The following CDH4 variants were observed in gnomAD, a reference collection of about 807,000 sequenced individuals.
CDH4 encodes cadherin-4.
In CDH4, 33 loss-of-function variants were observed where a neutral mutation model predicts 86.0. That is an observed-to-expected ratio of 0.38 (90% CI 0.29 to 0.51). The LOEUF is 0.51. CDH4 is among the 20% of genes least tolerant of loss of function. The pLI is 0.86. For synonymous variants in CDH4, 555 were observed against 549.4 expected, an observed-to-expected ratio of 1.01 and a Z score of -0.14; for missense variants, 1,114 against 1,307.4, an observed-to-expected ratio of 0.85 and a Z score of 2.28.
chr20:61,895,023 C>G lies in CDH4; in HGVS notation c.1164C>G (p.Asn388Lys). The G allele has an allele frequency of 6.2e-7, 1 of 1,613,868 alleles. No homozygotes were observed. Among genetic ancestry groups the G allele is most frequent in the Non-Finnish European group, 8.5e-7 (1 of 1,180,008 alleles). Residue 388 changes from asparagine to lysine, a missense_variant, in exon 8 of 16, where the codon AAC becomes AAG. Physicochemically the swap from Asn to Lys is moderately conservative, Grantham distance 94. Transcript: ENST00000614565. ...TCACGGTGACAGATGTGAATGACAA[C>G]CCGCCAGAATTTACCGCCAGCACGG... ...AIITVTDVND[N>K]PPEFTASTFA...
chr20:61,656,393 CTG>C lies in CDH4; in HGVS notation c.170-87169_170-87168del, dbSNP rs577844088. Among the ~76,000 whole-genome samples the C allele has an allele frequency of 2.4e-4, 36 of 150,464 alleles. 1 individual carries two copies. The highest frequency in any genetic ancestry group is 8.8e-4 in the African/African-American group (36 of 40,868). On this transcript the variant is annotated intron_variant, in intron 2 of 15. Transcript: ENST00000614565. The stretch of plus-strand genomic sequence containing the variant: ...CGTGCTGGGGTGGGCAGGTGCCTGA[CTG>C]GAGTGAGCAGGTGTATGCTGAGGTG...
At position 61,291,400 on chromosome 20, in the gene CDH4, G is replaced by T. The variant is rs909366662; in HGVS notation, c.169+36463G>T. Among the ~76,000 whole-genome samples, 7 of 152,330 alleles carry T rather than the reference G, an allele frequency of 4.6e-5. No individual in the cohort carries two copies. The South Asian group carries it at 1.5e-3, about 32-fold the overall frequency. ...ACTCAAGACAGTACCGTGGTGTGTG[G>T]GCCCTGGGCCTGCTCTTGTGGCAGG... On this transcript the variant is annotated intron_variant, in intron 2 of 15. Transcript: ENST00000614565.
intron 2 of CDH4, among the ~76,000 whole-genome samples, chr20:61,388,554 G>C (rs920081318): frequency 6.6e-6 from 1 of 152,122 alleles, no homozygotes; most frequent in Non-Finnish European, 1.5e-5. Flanking sequence ...CCCCTCATAG[G>C]CTCCACTGGC....
chr20:61,537,525 T>A (rs1312163924), intron 2 of CDH4, among the ~76,000 whole-genome samples: 2 of 152,128 alleles, frequency 1.3e-5, no homozygotes, highest in Non-Finnish European at 2.9e-5. Flanking sequence ...TGCCTACCAC[T>A]TTCTCCACGG....
In CDH4 at chr20:61,811,416, T is replaced by C. The variant is rs1980429122; in HGVS notation, c.577-33252T>C. On this transcript the variant is annotated intron_variant, in intron 4 of 15. Coordinates refer to ENST00000614565, the MANE Select transcript of CDH4 (RefSeq NM_001794.5). This position sits in a 1 kb window ranked among gnomAD's most constrained non-coding sequence, Gnocchi z 4.4. ...TTTGCCTGAAATCAAGATCACACTT[T>C]TGACAATCTGAAGCAAGGAAAAAAC... 6.6e-6 allele frequency among the ~76,000 whole-genome samples: 1 copy of C among 152,210 alleles called. No homozygotes were observed. Among genetic ancestry groups the C allele is most frequent in the East Asian group, 1.9e-4 (1 of 5,196 alleles).
chr20:61,544,365 C>CGA lies in CDH4; in HGVS notation c.170-199195_170-199194dup, dbSNP rs1476707594. Among the ~76,000 whole-genome samples, 1 of 151,824 alleles carries CGA rather than the reference C, an allele frequency of 6.6e-6. No homozygotes were observed. The highest frequency in any genetic ancestry group is 1.5e-5 in the Non-Finnish European group (1 of 67,964). ...CTCCATGTATCACTCGTGTCCAGGC[C>CGA]GAGAAACCCGACGTAGAAATCCAGC... On this transcript the variant is annotated intron_variant, in intron 2 of 15. Coordinates refer to ENST00000614565, the MANE Select transcript of CDH4 (RefSeq NM_001794.5). This position sits in a 1 kb window ranked among gnomAD's most constrained non-coding sequence, Gnocchi z 6.5.
chr20:61,866,995 G>A (rs1283706174), intron 6 of CDH4, among the ~76,000 whole-genome samples: 1 of 152,232 alleles, frequency 6.6e-6, no homozygotes, highest in African/African-American at 2.4e-5. Flanking sequence ...AGGAGATGAT[G>A]CCGACGGCTG....
At chr20:61,825,910 G>A (rs551073957) in intron 4 of CDH4, among the ~76,000 whole-genome samples, 1 of 152,002 alleles carries the variant, frequency 6.6e-6, no homozygotes, top group African/African-American at 2.4e-5. Context: ...GCCTCTCTTC[G>A]CCCACATCTC....
intron 4 of CDH4, among the ~76,000 whole-genome samples, chr20:61,837,801 C>T (rs1028977494): frequency 7.2e-5 from 11 of 152,124 alleles, no homozygotes; most frequent in African/African-American, 2.4e-4. Flanking sequence ...CCGCCCCAGC[C>T]TCCAGGAGCC....
chr20:61,536,373 C>T (rs1422070131), intron 2 of CDH4, among the ~76,000 whole-genome samples: 1 of 151,994 alleles, frequency 6.6e-6, no homozygotes, highest in Non-Finnish European at 1.5e-5. Context: ...GAAGAGGCCG[C>T]ACCCAAACAG....
At chr20:61,359,481 G>C (rs1215820751) in intron 2 of CDH4, among the ~76,000 whole-genome samples, 1 of 152,208 alleles carries the variant, frequency 6.6e-6, no homozygotes, top group African/African-American at 2.4e-5. Context: ...ACAGGAGGAG[G>C]TTCCTTCCCA....
intron 2 of CDH4, among the ~76,000 whole-genome samples, chr20:61,706,008 G>C (rs1468625034): frequency 6.6e-6 from 1 of 152,196 alleles, no homozygotes; most frequent in Non-Finnish European, 1.5e-5. Context: ...TGCTGGCTTG[G>C]ACTGGACTTG....
At chr20:61,337,952 A>G (rs2084628630) in intron 2 of CDH4, among the ~76,000 whole-genome samples, 1 of 152,046 alleles carries the variant, frequency 6.6e-6, no homozygotes, top group South Asian at 2.1e-4. Flanking sequence ...TGGTTATTTC[A>G]CAATAGCATT....
At chr20:61,605,411 TTGTC>T (rs2086635654) in intron 2 of CDH4, among the ~76,000 whole-genome samples, 1 of 151,336 alleles carries the variant, frequency 6.6e-6, no homozygotes, top group East Asian at 2.0e-4. Flanking sequence ...CTACCTCTCT[TTGTC>T]TGTTTCTCTA....
intron 2 of CDH4, among the ~76,000 whole-genome samples, chr20:61,647,951 C>T (rs1248701625): frequency 2.0e-5 from 3 of 152,120 alleles, no homozygotes; most frequent in African/African-American, 7.2e-5. Context: ...CTGCGGCCTG[C>T]CGAGTGAGTG....
chr20:61,878,019 G>A (rs561679176), intron 7 of CDH4, among the ~76,000 whole-genome samples: 43 of 152,190 alleles, frequency 2.8e-4, no homozygotes, highest in Admixed American at 2.5e-3. Flanking sequence ...GGAGGACTTC[G>A]TGGACACAGA....
intron 2 of CDH4, among the ~76,000 whole-genome samples, chr20:61,621,212 C>T (rs763115972): frequency 3.9e-5 from 6 of 152,308 alleles, no homozygotes; most frequent in East Asian, 1.9e-4. Flanking sequence ...CAATGGACCG[C>T]GGTTCCGGTC....
intron 2 of CDH4, among the ~76,000 whole-genome samples, chr20:61,550,197 G>T (rs1440978111): frequency 7.4e-6 from 1 of 135,496 alleles, no homozygotes; most frequent in Non-Finnish European, 1.7e-5. Context: ...TGCTTCCCTG[G>T]CCTCCCTAGC....
rs1200904048 is a variant in CDH4, at chr20:61,676,496, G to A, written c.170-67067G>A. 1.3e-5 allele frequency among the ~76,000 whole-genome samples: 2 copies of A among 152,118 alleles called. No individual in the cohort carries two copies. The highest frequency in any genetic ancestry group is 2.1e-4 in the South Asian group (1 of 4,820). ...GGGTCTACCCCTTTAGGAGCAGGGT[G>A]GAGGGGGACAGACAAAAGGGAGGTG... On this transcript the variant is annotated intron_variant, in intron 2 of 15. Transcript: ENST00000614565. The surrounding 1 kb of genome is among the most constrained non-coding windows in gnomAD (Gnocchi z 4.5).
Sources: gnomAD v4.1 joint callset for allele counts (sites outside exome capture counted in the v4.1 genomes callset) on GRCh38, gnomAD v4.1.1 for gene constraint, Gnocchi (gnomAD v3.1) non-coding constraint, MANE v1.5 for transcripts, NCBI Gene and HGNC (gene_info 2026-07-23, HGNC 2026-07-21) for gene names.